The following SEPTIN11 variants were observed in gnomAD, a reference collection of about 807,000 sequenced individuals.
SEPTIN11 encodes the protein septin 11, also known as septin-11.
SEPTIN11 carries 25 observed loss-of-function variants against 51.4 expected under a neutral mutation model. That is an observed-to-expected ratio of 0.49 (90% CI 0.35 to 0.68). The LOEUF (loss-of-function observed/expected upper bound fraction) is 0.68, where lower values mean the gene tolerates loss of function less well. Among genes scored for constraint, SEPTIN11 ranks in the 30% least tolerant of loss-of-function variants. SEPTIN11 has a pLI of 0.00. For missense variants in SEPTIN11, 381 were observed against 520.8 expected, an observed-to-expected ratio of 0.73 and a Z score of 2.61; for synonymous variants, 174 against 184.1, an observed-to-expected ratio of 0.95 and a Z score of 0.44.
intron 9 of SEPTIN11, chr4:77,032,077 G>C (rs1726686522): frequency 6.6e-6 from 1 of 152,190 alleles, no homozygotes; most frequent in Non-Finnish European, 1.5e-5. Flanking sequence ...TGTCCACTTA[G>C]TCTTGGTGAA....
chr4:77,020,742 T>A (rs1158916206), intron 7 of SEPTIN11, 72 bp downstream of exon 7: 1 of 1,415,406 alleles, frequency 7.1e-7, no homozygotes, highest in East Asian at 2.4e-5. Flanking sequence ...ATCACAGAAA[T>A]GCTTGCTGGA....
chr4:76,995,953 G>T (rs1158142419), intron 1 of SEPTIN11: 14 of 1,534,896 alleles, frequency 9.1e-6, no homozygotes, highest in Non-Finnish European at 1.2e-5. Context: ...GTAGAGCATT[G>T]TCATCATTGT....
chr4:77,007,312 C>T (rs2132764), intron 3 of SEPTIN11, among the ~76,000 whole-genome samples: 22,361 of 152,202 alleles, frequency 0.15, 2,125 homozygotes, highest in East Asian at 0.35. Context: ...TAGATTTTCT[C>T]ACTGGCGTTA....
intron 1 of SEPTIN11, among the ~76,000 whole-genome samples, chr4:76,970,817 T>C (rs1722208809): frequency 6.6e-6 from 1 of 152,210 alleles, no homozygotes; most frequent in Admixed American, 6.5e-5. Flanking sequence ...TCCCCTGGGC[T>C]TTTCTTAGTA....
chr4:76,987,415 AT>A (rs1244547239), intron 1 of SEPTIN11, among the ~76,000 whole-genome samples: 1 of 152,166 alleles, frequency 6.6e-6, no homozygotes, highest in Non-Finnish European at 1.5e-5. Flanking sequence ...TGCAATTCTC[AT>A]TGGTAATGAG....
intron 1 of SEPTIN11, among the ~76,000 whole-genome samples, chr4:76,980,474 C>A (rs948246613): frequency 3.3e-5 from 5 of 152,150 alleles, no homozygotes; most frequent in Non-Finnish European, 7.3e-5. Flanking sequence ...TTCCTTATAT[C>A]GGTGGCTGCA....
chr4:77,008,052 T>G (rs1724611544), intron 3 of SEPTIN11, among the ~76,000 whole-genome samples: 1 of 152,224 alleles, frequency 6.6e-6, no homozygotes, highest in Non-Finnish European at 1.5e-5. Flanking sequence ...TCAACATTCC[T>G]GTATTATTAT....
chr4:77,038,360 CGT>C lies in SEPTIN11; in HGVS notation c.*3851_*3852del, dbSNP rs747168904. 8.9e-5 allele frequency: 88 copies of C among 985,738 alleles called. No individual in the cohort carries two copies. The highest frequency in any genetic ancestry group is 5.2e-4 in the Middle Eastern group (1 of 1,914). The allele number at this position is 985,738 out of a possible 1,614,324, so 61.1% of individuals were successfully genotyped here. ...TAACCAATGTGTTTTCTAAAACTGT[CGT>C]GTAATCTACTTTCATTGTTAATGCA... On this transcript the variant is annotated 3_prime_UTR_variant, in exon 10 of 10. Transcript: ENST00000264893.
chr4:77,011,908 A>T lies in SEPTIN11; in HGVS notation c.512A>T (p.Lys171Met), dbSNP rs1372365703. The T allele has an allele frequency of 6.2e-7, 1 of 1,613,900 alleles. No homozygotes were observed. The highest frequency in any genetic ancestry group is 1.1e-5 in the South Asian group (1 of 91,060). Reference sequence around the variant, plus strand: ...TCCCTGGATCTGGTCACCATGAAAAAGCTGGACAGTAAGGTACTTGCTGCC... The same window carrying T: ...TCCCTGGATCTGGTCACCATGAAAATGCTGGACAGTAAGGTACTTGCTGCC... Reference protein sequence around the residue: ...LKSLDLVTMKKLDSKVNIIPI... With the variant: ...LKSLDLVTMKMLDSKVNIIPI... The change falls in exon 4 of 10, where the codon AAG becomes ATG. Residue 171 changes from lysine (K) to methionine (M), a missense_variant. Around this residue, in one of 2 missense-constraint regions of SEPTIN11, gnomAD observed 184 missense variants for 207.7 expected, o/e 0.89. Coordinates refer to ENST00000264893, the MANE Select transcript of SEPTIN11 (RefSeq NM_018243.4).
chr4:76,950,283 G>A (rs1290484237), intron 1 of SEPTIN11, among the ~76,000 whole-genome samples: 1 of 152,230 alleles, frequency 6.6e-6, no homozygotes, highest in Non-Finnish European at 1.5e-5. Flanking sequence ...AAGGGCGCCG[G>A]GTTCGGGGCT....
chr4:76,951,197 A>C (rs1223469640), intron 1 of SEPTIN11, among the ~76,000 whole-genome samples: 1 of 151,050 alleles, frequency 6.6e-6, no homozygotes, highest in Admixed American at 6.6e-5. Context: ...TTTGCACCCT[A>C]CCCCCTCGGG....
chr4:77,031,143 G>C, intron 9 of SEPTIN11, 173 bp downstream of exon 9: 1 of 617,650 alleles, frequency 1.6e-6, no homozygotes, highest in Non-Finnish European at 2.7e-6. Flanking sequence ...TTTTTAAAAG[G>C]TACACAAAGA....
intron 3 of SEPTIN11, among the ~76,000 whole-genome samples, chr4:77,010,822 G>A (rs562767353): frequency 6.6e-5 from 10 of 152,226 alleles, no homozygotes; most frequent in African/African-American, 2.4e-4. Context: ...TTGCTAAAAC[G>A]AACTTCTTCT....
chr4:77,037,218 C>T lies in SEPTIN11; in HGVS notation c.*2706C>T. On this transcript the variant is annotated 3_prime_UTR_variant, in exon 10 of 10. Transcript: ENST00000264893. ...CTCTACAAAAAATACAAAAATTAGC[C>T]AGGCGTGGTGGCACGTGCCTGTAGT... 1.7e-6 allele frequency: 1 copy of T among 581,266 alleles called. No individual in the cohort carries two copies. Among genetic ancestry groups the T allele is most frequent in the Non-Finnish European group, 2.2e-6 (1 of 460,994 alleles). 36.0% of individuals were successfully genotyped at this position (581,266 alleles called of 1,614,324 possible).
intron 3 of SEPTIN11, among the ~76,000 whole-genome samples, chr4:77,009,579 T>A (rs779810756): frequency 6.6e-6 from 1 of 152,106 alleles, no homozygotes; most frequent in African/African-American, 2.4e-5. Context: ...ACAAAAGATA[T>A]CTTGAATCCA....
intron 7 of SEPTIN11, among the ~76,000 whole-genome samples, chr4:77,026,595 T>A (rs957626421): frequency 2.6e-5 from 4 of 152,318 alleles, no homozygotes; most frequent in African/African-American, 9.6e-5. Context: ...CTCCCTTCCG[T>A]CTTTTGACGT....
At chr4:77,017,324 AT>A (rs1404525006) in intron 5 of SEPTIN11, among the ~76,000 whole-genome samples, 1 of 152,158 alleles carries the variant, frequency 6.6e-6, no homozygotes, top group Non-Finnish European at 1.5e-5. Context: ...CTTTAAAGAA[AT>A]TTTCTTTTAG....
intron 1 of SEPTIN11, among the ~76,000 whole-genome samples, chr4:76,950,600 C>A (rs576540563): frequency 6.6e-6 from 1 of 151,476 alleles, no homozygotes; most frequent in Non-Finnish European, 1.5e-5. Flanking sequence ...GAGGCTGGGA[C>A]GCGAGGAAGA....
intron 7 of SEPTIN11, among the ~76,000 whole-genome samples, chr4:77,022,031 G>A (rs1725756842): frequency 6.6e-6 from 1 of 152,176 alleles, no homozygotes; most frequent in Non-Finnish European, 1.5e-5. Context: ...TCTGAGGCGA[G>A]GTGTAGGACA....
Sources: gnomAD v4.1 joint callset for allele counts (sites outside exome capture counted in the v4.1 genomes callset) on GRCh38, gnomAD v4.1.1 for gene constraint, gnomAD v4.1.1 regional missense constraint, MANE v1.5 for transcripts, NCBI Gene and HGNC (gene_info 2026-07-23, HGNC 2026-07-21) for gene names.